The following CDKAL1 variants were observed in gnomAD, a reference collection of about 807,000 sequenced individuals.
The protein encoded by CDKAL1 is CDKAL1 threonylcarbamoyladenosine tRNA methylthiotransferase.
In CDKAL1, 32 loss-of-function variants were observed where a neutral mutation model predicts 68.2. That is an observed-to-expected ratio of 0.47 (90% CI 0.35 to 0.63). The LOEUF (loss-of-function observed/expected upper bound fraction) is 0.63, where lower values mean the gene tolerates loss of function less well. Among genes scored for constraint, CDKAL1 ranks in the 30% least tolerant of loss-of-function variants. The pLI is 0.00. For synonymous variants in CDKAL1, 234 were observed against 244.3 expected, an observed-to-expected ratio of 0.96 and a Z score of 0.39; for missense variants, 606 against 696.7, an observed-to-expected ratio of 0.87 and a Z score of 1.47.
intron 12 of CDKAL1, among the ~76,000 whole-genome samples, chr6:21,072,261 G>A (rs369854801): frequency 1.1e-4 from 17 of 152,098 alleles, no homozygotes; most frequent in Admixed American, 3.9e-4. Context: ...TAAATGTCTA[G>A]AAGGAAAAAG....
intron 9 of CDKAL1, among the ~76,000 whole-genome samples, chr6:20,915,387 C>G (rs1762677495): frequency 6.6e-6 from 1 of 152,120 alleles, no homozygotes; most frequent in Non-Finnish European, 1.5e-5. Flanking sequence ...CAGGCTTGGG[C>G]AGGCTGGAAA....
Position 20,675,069 on chromosome 6 carries a change from G to GT in CDKAL1, c.371+25702dup, listed in dbSNP as rs375924682. On this transcript the variant is annotated intron_variant, in intron 5 of 15. Coordinates refer to ENST00000274695, the MANE Select transcript of CDKAL1 (RefSeq NM_017774.3). ...GTGTTTCTGGAGTAAATTTCATATG[G>GT]TTTTTTTTTTAAATTGTTGTATTCT... Among the ~76,000 whole-genome samples, 396 of 148,890 alleles carry GT rather than the reference G, an allele frequency of 2.7e-3. 2 individuals are homozygous for GT. Among genetic ancestry groups the GT allele is most frequent in the African/African-American group, 7.9e-3 (322 of 40,542 alleles).
intron 13 of CDKAL1, among the ~76,000 whole-genome samples, chr6:21,117,164 T>A (rs1208828467): frequency 6.6e-6 from 1 of 152,142 alleles, no homozygotes; most frequent in Non-Finnish European, 1.5e-5. Context: ...CAACCTTTCT[T>A]ATCCCCATCC....
At chr6:20,871,446 T>A (rs1760210509) in intron 9 of CDKAL1, among the ~76,000 whole-genome samples, 1 of 152,230 alleles carries the variant, frequency 6.6e-6, no homozygotes. Flanking sequence ...TGGTAAATTT[T>A]GGCAAGAAAT....
intron 10 of CDKAL1, among the ~76,000 whole-genome samples, chr6:20,958,138 CT>C (rs1363859474): frequency 6.6e-6 from 1 of 152,206 alleles, no homozygotes; most frequent in Non-Finnish European, 1.5e-5. Flanking sequence ...AAGCCACCCA[CT>C]ACTCTGCACT....
At chr6:21,100,337 A>G (rs1773521674) in intron 12 of CDKAL1, among the ~76,000 whole-genome samples, 1 of 152,216 alleles carries the variant, frequency 6.6e-6, no homozygotes, top group Admixed American at 6.5e-5. Flanking sequence ...CCACTCTTAG[A>G]GAAGTCTGCT....
At chr6:20,873,051 A>G (rs1181862557) in intron 9 of CDKAL1, among the ~76,000 whole-genome samples, 1 of 152,194 alleles carries the variant, frequency 6.6e-6, no homozygotes, top group Non-Finnish European at 1.5e-5. Flanking sequence ...TTTGTAGACA[A>G]ATACAGCTGC....
intron 8 of CDKAL1, among the ~76,000 whole-genome samples, chr6:20,845,813 C>A (rs1159710654): frequency 6.6e-6 from 1 of 152,144 alleles, no homozygotes; most frequent in Non-Finnish European, 1.5e-5. Flanking sequence ...CTTTCTTCCT[C>A]ATAGATTTGT....
chr6:21,179,990 C>T (rs1433687150), intron 13 of CDKAL1, among the ~76,000 whole-genome samples: 1 of 152,156 alleles, frequency 6.6e-6, no homozygotes, highest in Non-Finnish European at 1.5e-5. Context: ...CACTGCACTC[C>T]AGCCTGGGTT....
intron 12 of CDKAL1, among the ~76,000 whole-genome samples, chr6:21,084,496 A>G (rs1772589774): frequency 6.6e-6 from 1 of 152,204 alleles, no homozygotes; most frequent in Admixed American, 6.5e-5. Flanking sequence ...TTCGTAGGTC[A>G]TAAGTGAACT....
chr6:20,624,011 A>G (rs1767312314), intron 4 of CDKAL1, among the ~76,000 whole-genome samples: 2 of 152,042 alleles, frequency 1.3e-5, no homozygotes, highest in Non-Finnish European at 2.9e-5. Flanking sequence ...TTTTTAAAGG[A>G]GTATGGGTTT....
At chr6:20,794,959 T>C (rs965048705) in intron 8 of CDKAL1, among the ~76,000 whole-genome samples, 5 of 152,174 alleles carry the variant, frequency 3.3e-5, no homozygotes, top group African/African-American at 7.2e-5. Flanking sequence ...CAATACTGTT[T>C]GGTGGATCAG....
intron 6 of CDKAL1, among the ~76,000 whole-genome samples, chr6:20,757,435 A>G (rs1056070078): frequency 6.6e-6 from 1 of 152,206 alleles, no homozygotes; most frequent in Non-Finnish European, 1.5e-5. Context: ...TAGAAAAAAC[A>G]TCAAGGCACA....
At chr6:21,116,110 T>C (rs1454749090) in intron 13 of CDKAL1, among the ~76,000 whole-genome samples, 1 of 152,236 alleles carries the variant, frequency 6.6e-6, no homozygotes, top group Non-Finnish European at 1.5e-5. Flanking sequence ...ATCATACCTG[T>C]ATATTTTTTC....
chr6:20,926,000 C>T (rs1763167686), intron 9 of CDKAL1, among the ~76,000 whole-genome samples: 1 of 152,106 alleles, frequency 6.6e-6, no homozygotes, highest in Non-Finnish European at 1.5e-5. Context: ...CAAGATATTA[C>T]ACAGAGCTCT....
At chr6:21,003,986 G>T (rs1767591930) in intron 11 of CDKAL1, among the ~76,000 whole-genome samples, 1 of 152,066 alleles carries the variant, frequency 6.6e-6, no homozygotes, top group African/African-American at 2.4e-5. Context: ...TTTTTGTAAT[G>T]TGCCTTTAAC....
At chr6:21,115,367 A>G (rs931081241) in intron 13 of CDKAL1, among the ~76,000 whole-genome samples, 1 of 152,178 alleles carries the variant, frequency 6.6e-6, no homozygotes, top group Non-Finnish European at 1.5e-5. Flanking sequence ...GTGGGTTTGG[A>G]TTCTTGCCTG....
intron 13 of CDKAL1, among the ~76,000 whole-genome samples, chr6:21,153,395 G>A (rs999337585): frequency 6.6e-6 from 1 of 152,044 alleles, no homozygotes; most frequent in Non-Finnish European, 1.5e-5. Flanking sequence ...TGATAAGTTA[G>A]CGAACATATG....
intron 9 of CDKAL1, among the ~76,000 whole-genome samples, chr6:20,930,722 T>G (rs895935496): frequency 6.6e-6 from 1 of 150,474 alleles, no homozygotes; most frequent in African/African-American, 2.4e-5. Flanking sequence ...TACATTAACT[T>G]TATGAGGTAC....
Sources: gnomAD v4.1 joint callset for allele counts (sites outside exome capture counted in the v4.1 genomes callset) on GRCh38, gnomAD v4.1.1 for gene constraint, MANE v1.5 for transcripts, NCBI Gene and HGNC (gene_info 2026-07-23, HGNC 2026-07-21) for gene names.